The following KCNH1 variants were observed in gnomAD, a reference collection of about 807,000 sequenced individuals.
The protein encoded by KCNH1 is voltage-gated delayed rectifier potassium channel KCNH1.
KCNH1 carries 27 observed loss-of-function variants against 69.2 expected under a neutral mutation model. The ratio of observed to expected loss-of-function variants is 0.39; its 90% CI spans 0.29 to 0.54. The LOEUF (loss-of-function observed/expected upper bound fraction) is 0.54, where lower values mean the gene tolerates loss of function less well. Among genes scored for constraint, KCNH1 ranks in the 20% least tolerant of loss-of-function variants. The pLI is 0.68. For synonymous variants in KCNH1, 456 were observed against 487.7 expected, an observed-to-expected ratio of 0.93 and a Z score of 0.86; for missense variants, 798 against 1,261.6, an observed-to-expected ratio of 0.63 and a Z score of 5.57.
At chr1:211,053,640 A>T (rs992370195) in intron 5 of KCNH1, among the ~76,000 whole-genome samples, 3 of 152,244 alleles carry the variant, frequency 2.0e-5, no homozygotes, top group African/African-American at 7.2e-5. Context: ...GTCAGAATTT[A>T]CACTGCTTTC....
chr1:210,776,928 C>A (rs1558465127), intron 9 of KCNH1, among the ~76,000 whole-genome samples: 1 of 152,128 alleles, frequency 6.6e-6, no homozygotes, highest in Non-Finnish European at 1.5e-5. Flanking sequence ...TTATAAATAG[C>A]TTAAAATGTT....
intron 7 of KCNH1, among the ~76,000 whole-genome samples, chr1:210,864,629 A>C (rs1297893601): frequency 6.6e-6 from 1 of 152,184 alleles, no homozygotes; most frequent in Non-Finnish European, 1.5e-5. Context: ...TTGGACAACA[A>C]CAATCAAGGC....
intron 7 of KCNH1, chr1:210,918,775 T>A (rs571592997): frequency 6.6e-6 from 1 of 152,338 alleles, no homozygotes; most frequent in East Asian, 1.9e-4. Context: ...AAAATGTTTA[T>A]CTAGACCAGC....
intron 10 of KCNH1, among the ~76,000 whole-genome samples, chr1:210,726,233 G>A (rs561387344): frequency 6.6e-6 from 1 of 152,242 alleles, no homozygotes; most frequent in East Asian, 1.9e-4. Context: ...AGCAGCACTT[G>A]CCCAACTTCT....
chr1:210,721,197 G>C (rs1682445825), intron 10 of KCNH1, among the ~76,000 whole-genome samples: 1 of 151,970 alleles, frequency 6.6e-6, no homozygotes, highest in African/African-American at 2.4e-5. Context: ...CTTCCACCTG[G>C]TGCTGGGTTT....
chr1:210,928,579 A>T (rs1224033543), intron 6 of KCNH1, among the ~76,000 whole-genome samples: 2 of 152,222 alleles, frequency 1.3e-5, no homozygotes, highest in African/African-American at 4.8e-5. Context: ...TGTTAAGAGG[A>T]AAGTTCATAG....
intron 6 of KCNH1, among the ~76,000 whole-genome samples, chr1:211,009,760 C>G (rs952468819): frequency 1.3e-5 from 2 of 152,026 alleles, no homozygotes; most frequent in African/African-American, 4.8e-5. Context: ...AGGTGCTTGC[C>G]ACCATGCCCG....
chr1:210,779,187 T>G (rs951403129), intron 9 of KCNH1, among the ~76,000 whole-genome samples: 3 of 152,212 alleles, frequency 2.0e-5, no homozygotes, highest in Non-Finnish European at 4.4e-5. Context: ...GATTAATCTG[T>G]AGGGTCTAAG....
rs1159442976 is a variant in KCNH1 at position 211,115,730 on chromosome 1, T to TATATATATATATATATAC, written c.80-8354_80-8353insGTATATATATATATATAT. Among the ~76,000 whole-genome samples, 88 of 86,950 alleles carry TATATATATATATATATAC rather than the reference T, an allele frequency of 1.0e-3. 1 individual carries two copies. Among genetic ancestry groups the TATATATATATATATATAC allele is most frequent in the East Asian group, 1.4e-3 (6 of 4,220 alleles). The allele number at this position is 86,950 out of a possible 152,430, so 57.0% of individuals were successfully genotyped here. On this transcript the variant is annotated intron_variant, in intron 1 of 10. Coordinates refer to ENST00000271751, the MANE Select transcript of KCNH1 (RefSeq NM_172362.3). ...ATATATATATATGTATATATATATA[T>TATATATATATATATATAC]ACACACACACACACACATACACATC...
chr1:210,802,730 T>C (rs1684454638), intron 8 of KCNH1, among the ~76,000 whole-genome samples: 1 of 152,100 alleles, frequency 6.6e-6, no homozygotes, highest in South Asian at 2.1e-4. Context: ...GGAAAACAAA[T>C]AACTAGAGAG....
At chr1:211,102,177 G>T (rs956680029) in intron 3 of KCNH1, among the ~76,000 whole-genome samples, 1 of 152,116 alleles carries the variant, frequency 6.6e-6, no homozygotes, top group Admixed American at 6.5e-5. Flanking sequence ...TTGCCCTCTC[G>T]CATCTCAAAC....
At chr1:210,880,590 A>C (rs1686473270) in intron 7 of KCNH1, among the ~76,000 whole-genome samples, 1 of 152,208 alleles carries the variant, frequency 6.6e-6, no homozygotes, top group Non-Finnish European at 1.5e-5. Context: ...TTAACTCAAA[A>C]TAGATTAAAG....
intron 6 of KCNH1, among the ~76,000 whole-genome samples, chr1:210,935,182 T>TA (rs56135512): frequency 0.52 from 69,093 of 133,430 alleles, 17,470 homozygotes; most frequent in East Asian, 0.6. Flanking sequence ...TATTCAGCCA[T>TA]AAAAAAAAAA....
intron 6 of KCNH1, among the ~76,000 whole-genome samples, chr1:210,931,263 C>T (rs1319953642): frequency 6.6e-6 from 1 of 152,038 alleles, no homozygotes; most frequent in Admixed American, 6.6e-5. Flanking sequence ...TGGAACCAGC[C>T]CAAATGTGCG....
At chr1:210,769,297 A>T (rs1258424810) in intron 10 of KCNH1, among the ~76,000 whole-genome samples, 1 of 152,218 alleles carries the variant, frequency 6.6e-6, no homozygotes, top group African/African-American at 2.4e-5. Context: ...GCTTTCTCCA[A>T]GCATTCAATG....
intron 5 of KCNH1, among the ~76,000 whole-genome samples, chr1:211,054,167 A>T (rs980079267): frequency 5.9e-5 from 9 of 152,100 alleles, no homozygotes; most frequent in South Asian, 2.1e-4. Flanking sequence ...CTGTAATCCC[A>T]GCTACTCAGG....
intron 7 of KCNH1, among the ~76,000 whole-genome samples, chr1:210,863,833 T>G (rs1686037082): frequency 6.6e-6 from 1 of 152,192 alleles, no homozygotes; most frequent in Non-Finnish European, 1.5e-5. Flanking sequence ...TCCAGAGCTT[T>G]AGGTGCTCCA....
rs11445997 is a variant in KCNH1 at position 210,853,946 on chromosome 1, C to CAAAAAAAAAAAAAAAA, written c.1463-49796_1463-49781dup. 2.8e-3 allele frequency among the ~76,000 whole-genome samples: 171 copies of CAAAAAAAAAAAAAAAA among 61,488 alleles called. 23 individuals are homozygous for CAAAAAAAAAAAAAAAA. The highest frequency in any genetic ancestry group is 8.5e-3 in the African/African-American group (114 of 13,458). 40.3% of individuals were successfully genotyped at this position (61,488 alleles called of 152,430 possible). On this transcript the variant is annotated intron_variant, in intron 7 of 10. Coordinates refer to ENST00000271751, the MANE Select transcript of KCNH1 (RefSeq NM_172362.3). The stretch of plus-strand genomic sequence containing the variant: ...TAGCAGTAAAAGCATTTATCTAAGC[C>CAAAAAAAAAAAAAAAA]AAAAAAAAAAAAAAAAAAAAAAGAA...
chr1:210,861,858 A>T (rs1299364281), intron 7 of KCNH1: 2 of 761,608 alleles, frequency 2.6e-6, no homozygotes, highest in Non-Finnish European at 4.9e-6. Context: ...CTATCCAACA[A>T]GCACTGTTAT....
Sources: allele counts gnomAD v4.1 joint callset (sites outside exome capture counted in the v4.1 genomes callset), GRCh38; gene constraint gnomAD v4.1.1; transcripts MANE v1.5; gene names NCBI Gene and HGNC (gene_info 2026-07-23, HGNC 2026-07-21).